The following DLG2 variants were observed in gnomAD, a reference collection of about 807,000 sequenced individuals.
DLG2 encodes the protein disks large homolog 2.
In DLG2, 45 loss-of-function variants were observed where a neutral mutation model predicts 132.5. That is an observed-to-expected ratio of 0.34 (90% CI 0.27 to 0.44). The LOEUF (loss-of-function observed/expected upper bound fraction) is 0.44, where lower values mean the gene tolerates loss of function less well. DLG2 is among the 20% of genes least tolerant of loss of function. The probability of loss-of-function intolerance (pLI) is 1.00; values close to 1 mark genes in which losing one functional copy is unlikely to be tolerated. For missense variants in DLG2, 1,045 were observed against 1,196.9 expected, an observed-to-expected ratio of 0.87 and a Z score of 1.87; for synonymous variants, 424 against 419.6, an observed-to-expected ratio of 1.01 and a Z score of -0.13.
intron 19 of DLG2, among the ~76,000 whole-genome samples, chr11:83,556,239 G>C (rs1277128108): frequency 6.6e-6 from 1 of 152,206 alleles, no homozygotes. Flanking sequence ...CCAGGAGGAA[G>C]TCAATAGCAC....
intron 6 of DLG2, among the ~76,000 whole-genome samples, chr11:85,028,446 G>A (rs576714837): frequency 2.0e-5 from 3 of 152,218 alleles, no homozygotes; most frequent in African/African-American, 7.2e-5. Context: ...TTCTGCCCAG[G>A]AGCCTGTCTG....
intron 3 of DLG2, among the ~76,000 whole-genome samples, chr11:85,285,860 T>C (rs553742592): frequency 8.3e-4 from 126 of 152,004 alleles, no homozygotes; most frequent in Non-Finnish European, 1.3e-3. Flanking sequence ...CAGAGGATGA[T>C]GAAAATATTC....
intron 6 of DLG2, among the ~76,000 whole-genome samples, chr11:84,825,743 A>G (rs151257338): frequency 6.6e-6 from 1 of 152,058 alleles, no homozygotes; most frequent in African/African-American, 2.4e-5. Flanking sequence ...TGCAAAAATT[A>G]TATTGGTTCA....
intron 19 of DLG2, among the ~76,000 whole-genome samples, chr11:83,591,118 G>A (rs1215454675): frequency 6.6e-6 from 1 of 151,310 alleles, no homozygotes; most frequent in South Asian, 2.1e-4. Flanking sequence ...AGAAAAAGAG[G>A]GAATCCTCCC....
intron 11 of DLG2, among the ~76,000 whole-genome samples, chr11:84,014,731 T>C (rs2095077916): frequency 2.0e-5 from 3 of 152,148 alleles, no homozygotes; most frequent in Admixed American, 2.0e-4. Flanking sequence ...TCCGCTGTTA[T>C]GAAAGGCATG....
intron 4 of DLG2, among the ~76,000 whole-genome samples, chr11:85,239,291 T>C (rs2075756653): frequency 6.6e-6 from 1 of 152,096 alleles, no homozygotes; most frequent in African/African-American, 2.4e-5. Context: ...CATCTTTACA[T>C]TTGTTTACAT....
intron 6 of DLG2, among the ~76,000 whole-genome samples, chr11:84,921,994 A>T (rs941365252): frequency 4.6e-5 from 7 of 152,200 alleles, no homozygotes; most frequent in African/African-American, 1.7e-4. Context: ...AGAATTGGTC[A>T]TCAAAACATA....
At chr11:84,763,174 G>C (rs1267012688) in intron 6 of DLG2, 2 of 152,116 alleles carry the variant, frequency 1.3e-5, no homozygotes, top group African/African-American at 4.8e-5. Context: ...CTCTAACATA[G>C]GAGCTCGACA....
chr11:84,047,143 G>C (rs1327984277), intron 11 of DLG2, among the ~76,000 whole-genome samples: 1 of 151,584 alleles, frequency 6.6e-6, no homozygotes, highest in African/African-American at 2.4e-5. Context: ...TTAGGTAAAT[G>C]CCAGTCTTCT....
intron 2 of DLG2, chr11:85,625,160 C>G (rs941488575): frequency 6.6e-6 from 1 of 152,166 alleles, no homozygotes; most frequent in South Asian, 2.1e-4. Flanking sequence ...TCCTTTCACT[C>G]TTTTCCTCTC....
chr11:84,981,600 C>T lies in DLG2; in HGVS notation c.357+130061G>A, dbSNP rs918442113. Reference sequence around the variant, plus strand: ...TGCTTATAAAACAATAGACAGCATTCCTAAAGTCGAGAAATACTTCCATAA... The same window carrying T: ...TGCTTATAAAACAATAGACAGCATTTCTAAAGTCGAGAAATACTTCCATAA... On this transcript the variant is annotated intron_variant, in intron 6 of 27. Transcript: ENST00000376104. Among the ~76,000 whole-genome samples, 4 of 152,162 alleles carry T rather than the reference C, an allele frequency of 2.6e-5. 1 individual carries two copies. Among genetic ancestry groups the T allele is most frequent in the Admixed American group, 2.6e-4 (4 of 15,270 alleles).
chr11:84,832,637 A>G (rs2079189091), intron 6 of DLG2, among the ~76,000 whole-genome samples: 1 of 151,676 alleles, frequency 6.6e-6, no homozygotes, highest in Non-Finnish European at 1.5e-5. Flanking sequence ...TAAATAAGTA[A>G]TCATACATTA....
At chr11:85,554,283 T>C (rs958613614) in intron 3 of DLG2, among the ~76,000 whole-genome samples, 4 of 151,598 alleles carry the variant, frequency 2.6e-5, no homozygotes, top group African/African-American at 9.7e-5. Flanking sequence ...ATAAAAAATA[T>C]TAGAGAAAAT....
chr11:85,300,446 G>T (rs911979686), intron 3 of DLG2, among the ~76,000 whole-genome samples: 2 of 152,106 alleles, frequency 1.3e-5, no homozygotes, highest in Non-Finnish European at 2.9e-5. Context: ...AAAAGCTAGA[G>T]TCTGGGGCAG....
chr11:83,844,168 A>T (rs1195425635), intron 16 of DLG2, among the ~76,000 whole-genome samples: 1 of 152,138 alleles, frequency 6.6e-6, no homozygotes, highest in Non-Finnish European at 1.5e-5. Flanking sequence ...CCCAAACAAA[A>T]GGATAAAGTA....
chr11:84,331,808 G>T (rs1192790008), intron 7 of DLG2, among the ~76,000 whole-genome samples: 3 of 152,060 alleles, frequency 2.0e-5, no homozygotes, highest in African/African-American at 4.8e-5. Context: ...ACCTTTCAAA[G>T]AAATCTTCTT....
chr11:84,672,568 TGCTA>T (rs1262131670), intron 6 of DLG2, among the ~76,000 whole-genome samples: 1 of 152,140 alleles, frequency 6.6e-6, no homozygotes, highest in Non-Finnish European at 1.5e-5. Flanking sequence ...CTATTCCAGC[TGCTA>T]GCATTATAAA....
chr11:84,417,224 G>T (rs1169650492), intron 7 of DLG2, among the ~76,000 whole-genome samples: 1 of 152,082 alleles, frequency 6.6e-6, no homozygotes, highest in African/African-American at 2.4e-5. Context: ...ACTTTGCTTG[G>T]ATTTCTTAAT....
At chr11:85,227,984 C>T (rs2075075987) in intron 4 of DLG2, among the ~76,000 whole-genome samples, 1 of 152,084 alleles carries the variant, frequency 6.6e-6, no homozygotes, top group Admixed American at 6.6e-5. Flanking sequence ...TTACTTTCTC[C>T]AGCCAGTGTA....
Sources: gnomAD v4.1 joint callset for allele counts (sites outside exome capture counted in the v4.1 genomes callset) on GRCh38, gnomAD v4.1.1 for gene constraint, MANE v1.5 for transcripts, NCBI Gene and HGNC (gene_info 2026-07-23, HGNC 2026-07-21) for gene names.